The following C6orf132 variants were observed in gnomAD, a reference collection of about 807,000 sequenced individuals.
C6orf132 encodes the protein uncharacterized protein C6orf132.
Under a neutral mutation model 65.3 loss-of-function variants are expected in C6orf132, and 43 were observed. The observed-to-expected ratio is 0.66, with a 90% CI of 0.52 to 0.85. The LOEUF is 0.85. C6orf132 is among the 40% of genes least tolerant of loss of function. C6orf132 has a pLI of 0.00. For missense variants in C6orf132, 1,488 were observed against 1,548.8 expected (o/e 0.96, Z 0.66); for synonymous variants, 631 against 654.1 (o/e 0.96, Z 0.54).
intron 2 of C6orf132, among the ~76,000 whole-genome samples, chr6:42,121,958 G>A (rs1205216743): frequency 2.0e-5 from 3 of 152,332 alleles, no homozygotes; most frequent in Middle Eastern, 3.4e-3. Flanking sequence ...GCTTAGGGGT[G>A]CAGTATGGGG....
At position 42,106,761 on chromosome 6, in the gene C6orf132, T is replaced by C; in HGVS notation, c.1151A>G (p.Asp384Gly). 1 of 1,532,666 alleles carries C rather than the reference T, an allele frequency of 6.5e-7. No homozygotes were observed. The highest frequency in any genetic ancestry group is 8.7e-7 in the Non-Finnish European group (1 of 1,146,110). The allele number at this position is 1,532,666 out of a possible 1,614,324, so 94.9% of individuals were successfully genotyped here. A position where few individuals can be genotyped will look rare whatever the true frequency, so the allele number is the denominator to read the frequency against. ...PRLGQSQSQA[D>G]ERAGTPPPAP... ...TGGAGGCGGAGTCCCAGCTCGTTCA[T>C]CTGCTTGGGACTGGGACTGGCCAAG... The change falls in exon 4 of 5, where the codon GAT (aspartate) becomes GGT (glycine). Residue 384 changes from aspartate (D) to glycine (G), a missense_variant. Coordinates refer to ENST00000341865, the MANE Select transcript of C6orf132 (RefSeq NM_001164446.3).
intron 1 of C6orf132, among the ~76,000 whole-genome samples, chr6:42,133,395 G>A (rs1456248993): frequency 1.3e-5 from 2 of 152,242 alleles, no homozygotes; most frequent in East Asian, 3.8e-4. Flanking sequence ...AGTCCTTCGG[G>A]ATCTCAGAGG....
In C6orf132 at chr6:42,142,313, C is replaced by G; in HGVS notation, c.132G>C (p.Gly44=). The change falls in exon 1 of 5, where the codon GGG becomes GGC. Residue 44 remains glycine (G), a synonymous_variant. Transcript: ENST00000341865. ...WIFTQEAPEE[G]TGGFDGIYYG... is the part of the protein sequence containing the mutation. ...CGGAGTACTCACCGAAGCCCCCGGT[C>G]CCCTCCTCCGGGGCCTCCTGGGTGA... The G allele has an allele frequency of 6.4e-7, 1 of 1,550,876 alleles. No homozygotes were observed. The highest frequency in any genetic ancestry group is 8.7e-7 in the Non-Finnish European group (1 of 1,146,760).
intron 2 of C6orf132, among the ~76,000 whole-genome samples, chr6:42,127,137 T>A (rs1406086634): frequency 6.6e-6 from 1 of 152,078 alleles, no homozygotes; most frequent in Non-Finnish European, 1.5e-5. Flanking sequence ...AAATTTTTTG[T>A]AGAGATGGGG....
At position 42,124,046 on chromosome 6, in the gene C6orf132, TA is replaced by T. The variant is rs1766730164; in HGVS notation, c.252+4625del. ...CTACCCTTCCGTTAGGAAGTCATTT[TA>T]ACACAGAAAGTCGTGGCTGGGGAGA... is the stretch of plus-strand genomic sequence containing the variant. On this transcript the variant is annotated intron_variant, in intron 2 of 4. Coordinates refer to ENST00000341865, the MANE Select transcript of C6orf132 (RefSeq NM_001164446.3). The surrounding 1 kb of genome is among the most constrained non-coding windows in gnomAD (Gnocchi z 4.0). 6.6e-6 allele frequency among the ~76,000 whole-genome samples: 1 copy of T among 152,194 alleles called. No homozygotes were observed. The highest frequency in any genetic ancestry group is 1.5e-5 in the Non-Finnish European group (1 of 68,024).
At chr6:42,125,884 C>A (rs1299321732) in intron 2 of C6orf132, among the ~76,000 whole-genome samples, 1 of 152,076 alleles carries the variant, frequency 6.6e-6, no homozygotes, top group Non-Finnish European at 1.5e-5. Context: ...TTGCTCTGGT[C>A]TTTGAGGGGC....
intron 2 of C6orf132, among the ~76,000 whole-genome samples, chr6:42,116,391 C>T (rs1047725834): frequency 3.3e-5 from 5 of 152,086 alleles, no homozygotes; most frequent in South Asian, 2.1e-4. Flanking sequence ...ACTGTCTTTT[C>T]GGGCACCTTG....
At chr6:42,128,318 G>A (rs1363917151) in intron 2 of C6orf132, among the ~76,000 whole-genome samples, 1 of 152,164 alleles carries the variant, frequency 6.6e-6, no homozygotes, top group African/African-American at 2.4e-5. Context: ...GGCTGGCCCA[G>A]TCATCTCTGT....
At position 42,105,046 on chromosome 6, in the gene C6orf132, G is replaced by C; in HGVS notation, c.2866C>G (p.Gln956Glu). 2 of 1,536,670 alleles carry C rather than the reference G, an allele frequency of 1.3e-6. No homozygotes were observed. Among genetic ancestry groups the C allele is most frequent in the Non-Finnish European group, 1.7e-6 (2 of 1,146,764 alleles). The change falls in exon 4 of 5, where the codon CAG becomes GAG. Residue 956 changes from glutamine to glutamate, a missense_variant. Gln to Glu is a conservative substitution (Grantham distance 29, BLOSUM62 2). Coordinates refer to ENST00000341865, the MANE Select transcript of C6orf132 (RefSeq NM_001164446.3). Reference protein sequence around the residue: ...WERVAPSNLPQGHPLPKSFSS... With the variant: ...WERVAPSNLPEGHPLPKSFSS... ...AAGGACTTGGGCAGCGGGTGGCCCT[G>C]GGGGAGGTTGGAGGGAGCTACTCTT...
chr6:42,121,379 G>A (rs1766681531), intron 2 of C6orf132, among the ~76,000 whole-genome samples: 1 of 152,226 alleles, frequency 6.6e-6, no homozygotes, highest in South Asian at 2.1e-4. Context: ...AAGAAAGGGA[G>A]GGAAGAAGGC....
chr6:42,142,225 A>G, intron 1 of C6orf132, 75 bp downstream of exon 1: 1 of 1,473,348 alleles, frequency 6.8e-7, no homozygotes, highest in Non-Finnish European at 9.1e-7. Flanking sequence ...CCGCGCCTCC[A>G]GGAGACAGCA....
chr6:42,138,161 G>A (rs1454380846), intron 1 of C6orf132, among the ~76,000 whole-genome samples: 2 of 152,174 alleles, frequency 1.3e-5, no homozygotes, highest in Non-Finnish European at 2.9e-5. Flanking sequence ...TTTTTGGGTG[G>A]GGGAGGACAG....
chr6:42,139,463 C>T (rs1767001079), intron 1 of C6orf132, among the ~76,000 whole-genome samples: 1 of 152,170 alleles, frequency 6.6e-6, no homozygotes, highest in South Asian at 2.1e-4. Flanking sequence ...CTTTGCAGGC[C>T]ATAAGGTCTC....
In C6orf132 at chr6:42,104,063, T is replaced by C. The variant is rs1766342901; in HGVS notation, c.3450-185A>G. ...CACAAACAGGGCTCCCATTCTGGTCTGGGCCCTGCTGGCCGGAGAACATGC... is the reference window on the plus strand; with the variant it reads ...CACAAACAGGGCTCCCATTCTGGTCCGGGCCCTGCTGGCCGGAGAACATGC... On this transcript the variant is annotated intron_variant, in intron 4 of 4. Coordinates refer to ENST00000341865, the MANE Select transcript of C6orf132 (RefSeq NM_001164446.3). This position sits in a 1 kb window ranked among gnomAD's most constrained non-coding sequence, Gnocchi z 4.1. 6.6e-6 allele frequency among the ~76,000 whole-genome samples: 1 copy of C among 152,236 alleles called. No homozygotes were observed. Among genetic ancestry groups the C allele is most frequent in the Non-Finnish European group, 1.5e-5 (1 of 68,034 alleles).
At position 42,104,256 on chromosome 6, in the gene C6orf132, G is replaced by A. The variant is rs1235155700; in HGVS notation, c.3449+207C>T. On this transcript the variant is annotated intron_variant, in intron 4 of 4. Transcript: ENST00000341865. This position sits in a 1 kb window ranked among gnomAD's most constrained non-coding sequence, Gnocchi z 4.1. ...AGAGAGACAGACGAGAGGAGCTGGT[G>A]GGGAAAGAGAAGGGAGGTCAGGAGG... is the stretch of plus-strand genomic sequence containing the variant. 1.3e-5 allele frequency among the ~76,000 whole-genome samples: 2 copies of A among 152,066 alleles called. No individual in the cohort carries two copies. The highest frequency in any genetic ancestry group is 3.9e-4 in the East Asian group (2 of 5,192).
intron 2 of C6orf132, among the ~76,000 whole-genome samples, chr6:42,118,727 TG>T (rs1210353745): frequency 5.9e-5 from 9 of 152,122 alleles, no homozygotes; most frequent in Admixed American, 3.9e-4. Context: ...TCTACCAGCT[TG>T]GGAACTCCAC....
intron 1 of C6orf132, among the ~76,000 whole-genome samples, chr6:42,137,942 C>T (rs935331200): frequency 9.9e-5 from 15 of 152,132 alleles, no homozygotes; most frequent in Admixed American, 7.9e-4. Context: ...TGTGTGGTGG[C>T]GCAGGCCGGG....
At chr6:42,118,183 G>A (rs555905466) in intron 2 of C6orf132, among the ~76,000 whole-genome samples, 13 of 152,240 alleles carry the variant, frequency 8.5e-5, no homozygotes, top group African/African-American at 3.1e-4. Context: ...ACCCCTCGAT[G>A]ACAGGGTGTT....
chr6:42,134,516 G>A (rs566905667), intron 1 of C6orf132, among the ~76,000 whole-genome samples: 6 of 152,280 alleles, frequency 3.9e-5, no homozygotes, highest in African/African-American at 1.4e-4. Context: ...GCTCACGCCT[G>A]TAATCCCAGC....
Sources: gnomAD v4.1 joint callset for allele counts (sites outside exome capture counted in the v4.1 genomes callset) on GRCh38, gnomAD v4.1.1 for gene constraint, Gnocchi (gnomAD v3.1) non-coding constraint, MANE v1.5 for transcripts, NCBI Gene and HGNC (gene_info 2026-07-23, HGNC 2026-07-21) for gene names.